The following SLC22A12 variants were observed in gnomAD, a reference collection of about 807,000 sequenced individuals.
SLC22A12 encodes the protein solute carrier family 22 member 12.
SLC22A12 carries 56 observed loss-of-function variants against 52.7 expected under a neutral mutation model. That is an observed-to-expected ratio of 1.06 (90% confidence interval 0.86 to 1.33). The LOEUF (loss-of-function observed/expected upper bound fraction) is 1.33. Among genes scored for constraint, SLC22A12 ranks in the 40% most tolerant of loss-of-function variants. The pLI, the probability that SLC22A12 is intolerant of heterozygous loss-of-function variation, is 0.00. For missense variants in SLC22A12, 683 were observed against 741.5 expected, an observed-to-expected ratio of 0.92 and a Z score of 0.92; for synonymous variants, 337 against 324.6, an observed-to-expected ratio of 1.04 and a Z score of -0.41.
intron 7 of SLC22A12, 47 bp downstream of exon 7, chr11:64,599,937 G>A (rs761749722): frequency 1.9e-6 from 3 of 1,579,614 alleles, no homozygotes; most frequent in Non-Finnish European, 2.6e-6. Context: ...CCTTGGGGGG[G>A]TCTCGGGCTG....
intron 4 of SLC22A12, among the ~76,000 whole-genome samples, chr11:64,595,191 G>A (rs1246120482): frequency 4.3e-5 from 6 of 139,972 alleles, no homozygotes; most frequent in Non-Finnish European, 7.7e-5. Context: ...ATGGATGGAC[G>A]GATGGATGGA....
intron 4 of SLC22A12, among the ~76,000 whole-genome samples, chr11:64,598,115 A>G (rs1027912381): frequency 2.0e-5 from 3 of 152,018 alleles, no homozygotes; most frequent in African/African-American, 7.3e-5. Context: ...GGAGATGGCC[A>G]AGGTCCTGGC....
At chr11:64,600,518 G>A (rs762238445) in intron 8 of SLC22A12, 43 bp downstream of exon 8, 5 of 1,502,094 alleles carry the variant, frequency 3.3e-6, no homozygotes, top group Non-Finnish European at 3.6e-6. Flanking sequence ...GCCCTGGGCT[G>A]AGCTGCGGGG....
chr11:64,591,697 C>A lies in SLC22A12; in HGVS notation c.141C>A (p.His47Gln). 6.2e-7 allele frequency: 1 copy of A among 1,612,418 alleles called. No homozygotes were observed. The highest frequency in any genetic ancestry group is 8.5e-7 in the Non-Finnish European group (1 of 1,180,034). Residue 47 changes from histidine (H) to glutamine (Q), a missense_variant, in exon 1 of 10, where the codon CAC (histidine) becomes CAA (glutamine). His to Gln is a conservative substitution (Grantham distance 24). Coordinates refer to ENST00000377574, the MANE Select transcript of SLC22A12 (RefSeq NM_144585.4). ...LENFSAAVPS[H>Q]RCWAPLLDNS... ...ACTTCTCGGCCGCCGTGCCCAGCCA[C>A]CGCTGCTGGGCACCCCTCCTGGACA...
Position 64,593,554 on chromosome 11 carries a change from C to T in SLC22A12, c.656C>T (p.Thr219Ile). 6.2e-7 allele frequency: 1 copy of T among 1,614,194 alleles called. No individual in the cohort carries two copies. Among genetic ancestry groups the T allele is most frequent in the Non-Finnish European group, 8.5e-7 (1 of 1,180,050 alleles). Reference sequence around the variant, plus strand: ...GCAGGCGTCATGATGAACACGGGCACTCTCCGTAGGTCTCTGACCTGGCGC... The same window carrying T: ...GCAGGCGTCATGATGAACACGGGCATTCTCCGTAGGTCTCTGACCTGGCGC... ...AVAGVMMNTGTLLMEWTAARA... is the reference protein window; with the variant it reads ...AVAGVMMNTGILLMEWTAARA... Residue 219 changes from threonine to isoleucine, a missense_variant, in exon 3 of 10, where the codon ACT becomes ATT. Thr to Ile is a moderately conservative substitution (Grantham distance 89). Coordinates refer to ENST00000377574, the MANE Select transcript of SLC22A12 (RefSeq NM_144585.4).
In SLC22A12 at chr11:64,599,676, G is replaced by C. The variant is rs1277630359; in HGVS notation, c.1071G>C (p.Trp357Cys). The stretch of plus-strand genomic sequence containing the variant: ...CTGACTTCCCTGACCCCTGCCCCAG[G>C]TTCGCCTTTGGCTTCACCTTCTTCG... ...RFRTCISTLC[W>C]FAFGFTFFGL... The change falls in exon 7 of 10, where the codon TGG becomes TGC. Residue 357 changes from tryptophan (W) to cysteine (C), a missense_variant and splice_region_variant. Coordinates refer to ENST00000377574, the MANE Select transcript of SLC22A12 (RefSeq NM_144585.4). The C allele has an allele frequency of 1.3e-6, 2 of 1,519,188 alleles. No individual in the cohort carries two copies. The highest frequency in any genetic ancestry group is 1.8e-6 in the Non-Finnish European group (2 of 1,134,442). 94.1% of individuals were successfully genotyped at this position (1,519,188 alleles called of 1,614,324 possible). A position where few individuals can be genotyped will look rare whatever the true frequency, so the allele number is the denominator to read the frequency against.
intron 4 of SLC22A12, among the ~76,000 whole-genome samples, chr11:64,595,237 GAT>G (rs2039103422): frequency 3.0e-5 from 4 of 134,286 alleles, no homozygotes; most frequent in Non-Finnish European, 6.4e-5. Flanking sequence ...TGGATGGATG[GAT>G]GGATGGATGG....
Position 64,593,421 on chromosome 11 carries a change from G to A in SLC22A12, c.523G>A (p.Val175Met), listed in dbSNP as rs754985795. ...PASDRFGRRL[V>M]LTWSYLQMAV... is the part of the protein sequence containing the mutation. The stretch of plus-strand genomic sequence containing the variant: ...GTGCCGCAGGTTTGGGCGCAGGCTG[G>A]TGCTAACCTGGAGCTACCTTCAGAT... The change falls in exon 3 of 10, where the codon GTG (valine) becomes ATG (methionine). Residue 175 changes from valine (V) to methionine (M), a missense_variant. Val to Met is a conservative substitution (Grantham distance 21). Transcript: ENST00000377574. 4 of 1,614,162 alleles carry A rather than the reference G, an allele frequency of 2.5e-6. No individual in the cohort carries two copies. The South Asian group carries it at 4.4e-5, about 18-fold the overall frequency.
At chr11:64,599,609 T>TTCCCCC in intron 6 of SLC22A12, 67 bp from the exon 7 acceptor site, 2 of 221,474 alleles carry the variant, frequency 9.0e-6, no homozygotes, top group Non-Finnish European at 1.6e-5. Context: ...CGCCCATTGT[T>TTCCCCC]CCCACCCTGC....
intron 4 of SLC22A12, 65 bp from the exon 5 acceptor site, chr11:64,598,451 G>C (rs1432222711): frequency 6.5e-7 from 1 of 1,547,226 alleles, no homozygotes; most frequent in African/African-American, 1.4e-5. Context: ...AGCAGTCTGA[G>C]GCTGGCGCAG....
rs1327320014 is a variant in SLC22A12 at position 64,592,894 on chromosome 11, C to T, written c.506+12C>T. ...CCTGCCTCAGACAGGTGAGTACCCC[C>T]AGTCCAGGCAGGTCCCAGTTCCCCT... On this transcript the variant is annotated intron_variant, in intron 2 of 9. Transcript: ENST00000377574. The T allele has an allele frequency of 6.2e-7, 1 of 1,608,934 alleles. No homozygotes were observed. The highest frequency in any genetic ancestry group is 8.5e-7 in the Non-Finnish European group (1 of 1,176,436).
intron 3 of SLC22A12, 32 bp downstream of exon 3, chr11:64,593,591 G>A (rs1259514966): frequency 2.5e-6 from 4 of 1,613,986 alleles, no homozygotes; most frequent in African/African-American, 1.3e-5. Flanking sequence ...ATGCAGGGGG[G>A]CTCCATGCAG....
chr11:64,593,789 CT>C lies in SLC22A12; in HGVS notation c.821del (p.Leu274CysfsTer42). 6.2e-7 allele frequency: 1 copy of C among 1,606,758 alleles called. No individual in the cohort carries two copies. On this transcript the variant is annotated frameshift_variant, in exon 4 of 10. Coordinates refer to ENST00000377574, the MANE Select transcript of SLC22A12 (RefSeq NM_144585.4). LOFTEE classifies it high-confidence loss of function. ...LVVSVPFFLC[F>X]LYSWWLAESA... ...TGGTCTCGGTCCCCTTCTTCCTCTG[CT>C]TTTTGTACTCCTGGTGGGTGCTGTG...
chr11:64,591,783 C>T lies in SLC22A12; in HGVS notation c.227C>T (p.Ser76Phe). 6.2e-7 allele frequency: 1 copy of T among 1,612,760 alleles called. No homozygotes were observed. Among genetic ancestry groups the T allele is most frequent in the Non-Finnish European group, 8.5e-7 (1 of 1,179,990 alleles). Residue 76 changes from serine to phenylalanine, a missense_variant, in exon 1 of 10, where the codon TCC (serine) becomes TTC (phenylalanine). Coordinates refer to ENST00000377574, the MANE Select transcript of SLC22A12 (RefSeq NM_144585.4). ...SLSPEALLAISIPPGPNQRPH... is the reference protein window; with the variant it reads ...SLSPEALLAIFIPPGPNQRPH... ...AGTCCTGAGGCCCTCCTGGCTATTT[C>T]CATCCCGCCGGGCCCCAACCAGAGG...
At chr11:64,596,756 G>A (rs1405656143) in intron 4 of SLC22A12, among the ~76,000 whole-genome samples, 6 of 152,170 alleles carry the variant, frequency 3.9e-5, no homozygotes. Flanking sequence ...CTTCTGGGAT[G>A]GCAGCTTGAC....
intron 4 of SLC22A12, among the ~76,000 whole-genome samples, chr11:64,597,193 TC>T (rs1350617480): frequency 1.3e-5 from 2 of 152,072 alleles, no homozygotes; most frequent in Admixed American, 6.5e-5. Context: ...AAACTGCCCT[TC>T]CCAGGGTCAC....
At position 64,601,925 on chromosome 11, in the gene SLC22A12, C is replaced by T. The variant is rs1209112088; in HGVS notation, c.*374C>T. On this transcript the variant is annotated 3_prime_UTR_variant, in exon 10 of 10. Transcript: ENST00000377574. ...CACACCCGTCCACCTGCCCAGAGCTCAGAGCTAACCACCATCCATGGTCAA... is the reference window on the plus strand; with the variant it reads ...CACACCCGTCCACCTGCCCAGAGCTTAGAGCTAACCACCATCCATGGTCAA... 1.7e-5 allele frequency: 6 copies of T among 353,972 alleles called. No individual in the cohort carries two copies. The highest frequency in any genetic ancestry group is 3.3e-5 in the Non-Finnish European group (6 of 180,644). 21.9% of individuals were successfully genotyped at this position (353,972 alleles called of 1,614,324 possible). A position where few individuals can be genotyped will look rare whatever the true frequency, so the allele number is the denominator to read the frequency against.
chr11:64,598,484 C>T, intron 4 of SLC22A12, 32 bp from the exon 5 acceptor site: 2 of 1,554,604 alleles, frequency 1.3e-6, no homozygotes, highest in Non-Finnish European at 1.7e-6. Context: ...GGGCCACAGG[C>T]AATGACCCCT....
intron 4 of SLC22A12, among the ~76,000 whole-genome samples, chr11:64,595,234 ATGGATGGATGGATGGATGGAATGG>A: frequency 9.3e-6 from 1 of 107,384 alleles, no homozygotes; most frequent in East Asian, 3.2e-4. Flanking sequence ...GGATGGATGG[ATGGATGGATGGATGGATGGAATGG>A]ATGGATGGAT....
Sources: allele counts gnomAD v4.1 joint callset (sites outside exome capture counted in the v4.1 genomes callset), GRCh38; gene constraint gnomAD v4.1.1; transcripts MANE v1.5; gene names NCBI Gene and HGNC (gene_info 2026-07-23, HGNC 2026-07-21).